Variants in RGS12 observed in about 807,000 individuals in gnomAD.
RGS12 encodes the protein regulator of G-protein signaling 12.
Under a neutral mutation model 120.1 loss-of-function variants are expected in RGS12, and 66 were observed. The ratio of observed to expected loss-of-function variants is 0.55; its 90% CI spans 0.45 to 0.67. The LOEUF (loss-of-function observed/expected upper bound fraction) is 0.67. Ranked by LOEUF, RGS12 falls within the 30% of genes least tolerant of loss-of-function variation. RGS12 has a pLI of 0.00. For synonymous variants in RGS12, 827 were observed against 804.7 expected (o/e 1.03, Z -0.47); for missense variants, 1,859 against 1,957.7 (o/e 0.95, Z 0.95).
chr4:3,439,353 C>A, intron 17 of RGS12, 102 bp from the exon 18 acceptor site: 1 of 1,163,270 alleles, frequency 8.6e-7, no homozygotes. Context: ...TTTCAGGGAC[C>A]CCTACCATGC....
chr4:3,415,990 G>T lies in RGS12; in HGVS notation c.2296G>T (p.Ala766Ser), dbSNP rs1266461777. ...AHDKKELSYR[A>S]REIFSKFLCS... ...CCTTTCCTGTCAGCTTTCCTACAGG[G>T]CCCGGGAGATTTTCAGTAAGTTTCT... Residue 766 changes from alanine (A) to serine (S), a missense_variant, in exon 7 of 18, where the codon GCC (alanine) becomes TCC (serine). Transcript: ENST00000336727. 6.2e-7 allele frequency: 1 copy of T among 1,609,930 alleles called. No homozygotes were observed.
At chr4:3,422,158 A>G (rs1326987784) in intron 10 of RGS12, among the ~76,000 whole-genome samples, 1 of 152,214 alleles carries the variant, frequency 6.6e-6, no homozygotes, top group Non-Finnish European at 1.5e-5. Context: ...AGCTGAGAGA[A>G]TGATGACCGC....
intron 4 of RGS12, among the ~76,000 whole-genome samples, chr4:3,397,525 C>T (rs538673413): frequency 3.4e-4 from 52 of 152,242 alleles, no homozygotes; most frequent in Non-Finnish European, 5.6e-4. Context: ...AGTGGAACGA[C>T]GTGAGAGGGG....
chr4:3,435,842 T>C (rs1332404331), intron 17 of RGS12, among the ~76,000 whole-genome samples: 1 of 152,140 alleles, frequency 6.6e-6, no homozygotes, highest in Non-Finnish European at 1.5e-5. Context: ...CCTACCCCCA[T>C]GTTCCCTCCA....
chr4:3,362,667 CTGAGTG>C (rs1340218859), intron 3 of RGS12, among the ~76,000 whole-genome samples: 2 of 73,568 alleles, frequency 2.7e-5, no homozygotes, highest in Admixed American at 1.5e-4. Flanking sequence ...GGGACTGAGG[CTGAGTG>C]TGAGGGTGAG....
intron 3 of RGS12, among the ~76,000 whole-genome samples, chr4:3,369,173 G>A (rs536255310): frequency 1.2e-3 from 177 of 152,296 alleles, no homozygotes; most frequent in Non-Finnish European, 2.0e-3. Context: ...GTGGCTGGGC[G>A]CCTGCCCCCC....
chr4:3,304,143 G>A (rs1723839923), intron 1 of RGS12, among the ~76,000 whole-genome samples: 2 of 152,232 alleles, frequency 1.3e-5, no homozygotes, highest in Admixed American at 1.3e-4. Context: ...TGGTTTCTTT[G>A]GATTTGAAAT....
At position 3,430,748 on chromosome 4, in the gene RGS12, C is replaced by G. The variant is rs910113475; in HGVS notation, c.3907C>G (p.Gln1303Glu). The G allele has an allele frequency of 5.6e-6, 9 of 1,607,316 alleles. No individual in the cohort carries two copies. The highest frequency in any genetic ancestry group is 7.6e-6 in the Non-Finnish European group (9 of 1,176,964). ...KSPSGPFCTP[Q>E]SPVSLAQEGT... ...TCCCAGCGGGCCCTTCTGCACTCCCCAGTCCCCCGTCTCCCTCGCGCAGGA... is the reference window on the plus strand; with the variant it reads ...TCCCAGCGGGCCCTTCTGCACTCCCGAGTCCCCCGTCTCCCTCGCGCAGGA... The change falls in exon 17 of 18, where the codon CAG becomes GAG. Residue 1303 changes from glutamine to glutamate, a missense_variant. Around this residue, in one of 3 missense-constraint regions of RGS12, gnomAD observed 517 missense variants for 488.5 expected, o/e 1.06. Transcript: ENST00000336727.
rs16844131 is a variant in RGS12 at position 3,303,622 on chromosome 4, C to G, written c.-102+10523C>G. On this transcript the variant is annotated intron_variant, in intron 1 of 17. Transcript: ENST00000336727. ...TGGGGGGAACAAGAGGAAGGAGGAA[C>G]TAAGCCAGCTTGTCTCCCTGGGTGC... Among the ~76,000 whole-genome samples, 1,152 of 152,318 alleles carry G rather than the reference C, an allele frequency of 7.6e-3. 36 individuals carry two copies. In the East Asian group the frequency reaches 0.11, roughly 14 times the overall value.
intron 17 of RGS12, among the ~76,000 whole-genome samples, chr4:3,438,204 CAAG>C (rs1724994766): frequency 6.6e-6 from 1 of 152,148 alleles, no homozygotes; most frequent in Admixed American, 6.5e-5. Flanking sequence ...ATAGGCGCCT[CAAG>C]GCCTCCACCC....
intron 2 of RGS12, among the ~76,000 whole-genome samples, chr4:3,320,844 C>T (rs892598748): frequency 1.3e-5 from 2 of 152,140 alleles, no homozygotes; most frequent in Non-Finnish European, 2.9e-5. Flanking sequence ...TGGCCGTGAC[C>T]GTCCGCAGCG....
intron 3 of RGS12, among the ~76,000 whole-genome samples, chr4:3,347,182 C>T (rs986097333): frequency 2.0e-5 from 3 of 152,186 alleles, no homozygotes; most frequent in South Asian, 2.1e-4. Flanking sequence ...CGGTGGCTCA[C>T]GCCTATAATC....
At chr4:3,348,216 A>C (rs1479549577) in intron 3 of RGS12, among the ~76,000 whole-genome samples, 1 of 152,270 alleles carries the variant, frequency 6.6e-6, no homozygotes, top group Non-Finnish European at 1.5e-5. Flanking sequence ...ATTAGATAAT[A>C]GTCATTCATT....
chr4:3,319,912 C>A (rs1725067102), intron 2 of RGS12, among the ~76,000 whole-genome samples: 1 of 152,228 alleles, frequency 6.6e-6, no homozygotes, highest in African/African-American at 2.4e-5. Flanking sequence ...AGGGCCACTC[C>A]CAGGGAGCTG....
intron 1 of RGS12, among the ~76,000 whole-genome samples, chr4:3,303,570 C>A (rs1723802948): frequency 6.6e-6 from 1 of 152,212 alleles, no homozygotes; most frequent in African/African-American, 2.4e-5. Context: ...CCTCCTCTTC[C>A]TCAGCAACTT....
At position 3,433,201 on chromosome 4, in the gene RGS12, C is replaced by T. The variant is rs538633469; in HGVS notation, c.4114+2246C>T. On this transcript the variant is annotated intron_variant, in intron 17 of 17. Coordinates refer to ENST00000336727, the MANE Select transcript of RGS12 (RefSeq NM_001394154.1). The surrounding 1 kb of genome is among the most constrained non-coding windows in gnomAD (Gnocchi z 4.4). ...GGGGGTCATCCCGGGTCACGCTCTC[C>T]GACGTTGACAGTTGCTGTGGGATGC... is the stretch of plus-strand genomic sequence containing the variant. Among the ~76,000 whole-genome samples the T allele has an allele frequency of 5.9e-5, 9 of 152,302 alleles. No homozygotes were observed. Among genetic ancestry groups the T allele is most frequent in the African/African-American group, 1.7e-4 (7 of 41,570 alleles).
At chr4:3,410,697 CA>C (rs2109081430) in intron 4 of RGS12, among the ~76,000 whole-genome samples, 1 of 152,340 alleles carries the variant, frequency 6.6e-6, no homozygotes, top group Non-Finnish European at 1.5e-5. Context: ...ACTTCACTGC[CA>C]TCGTGATCTT....
chr4:3,423,314 C>T (rs893480877), intron 12 of RGS12, among the ~76,000 whole-genome samples: 2 of 152,222 alleles, frequency 1.3e-5, no homozygotes, highest in Non-Finnish European at 2.9e-5. Flanking sequence ...ACTGCTATCC[C>T]TGGAGGAGGA....
intron 4 of RGS12, among the ~76,000 whole-genome samples, chr4:3,401,057 CA>C (rs1405518609): frequency 6.6e-6 from 1 of 152,090 alleles, no homozygotes; most frequent in Non-Finnish European, 1.5e-5. Flanking sequence ...AAACCGAAAG[CA>C]TAGCCCATGG....
Sources: allele counts gnomAD v4.1 joint callset (sites outside exome capture counted in the v4.1 genomes callset), GRCh38; gene constraint gnomAD v4.1.1; regional missense constraint gnomAD v4.1.1; non-coding constraint Gnocchi (gnomAD v3.1); transcripts MANE v1.5; gene names NCBI Gene and HGNC (gene_info 2026-07-23, HGNC 2026-07-21).